The following IQGAP2 variants were observed in gnomAD, a reference collection of about 807,000 sequenced individuals.
IQGAP2 encodes ras GTPase-activating-like protein IQGAP2.
In IQGAP2, 173 loss-of-function variants were observed where a neutral mutation model predicts 201.3. That is an observed-to-expected ratio of 0.86 (90% CI 0.76 to 0.98). The LOEUF (loss-of-function observed/expected upper bound fraction) is 0.98, where lower values mean the gene tolerates loss of function less well. IQGAP2 is among the 50% of genes least tolerant of loss of function. IQGAP2 has a pLI of 0.00. For synonymous variants in IQGAP2, 675 were observed against 673.9 expected (o/e 1.00, Z -0.03); for missense variants, 1,687 against 1,864.8 (o/e 0.90, Z 1.76).
At chr5:76,458,286 A>T (rs1015866192) in intron 1 of IQGAP2, among the ~76,000 whole-genome samples, 5 of 152,212 alleles carry the variant, frequency 3.3e-5, no homozygotes, top group Admixed American at 1.3e-4. Flanking sequence ...ACACAGTAAC[A>T]TATGGAAACG....
chr5:76,554,251 A>G (rs12657065), intron 2 of IQGAP2, among the ~76,000 whole-genome samples: 2 of 151,976 alleles, frequency 1.3e-5, no homozygotes, highest in African/African-American at 4.8e-5. Context: ...AGAAGAAAAC[A>G]TAGGTATAAA....
At chr5:76,672,657 A>AGG (rs1744445099) in intron 24 of IQGAP2, among the ~76,000 whole-genome samples, 2 of 152,170 alleles carry the variant, frequency 1.3e-5, no homozygotes, top group Non-Finnish European at 2.9e-5. Flanking sequence ...AGGTGCAATA[A>AGG]CCCATTTTTC....
chr5:76,576,215 T>C (rs2150282720), intron 5 of IQGAP2, among the ~76,000 whole-genome samples: 1 of 151,566 alleles, frequency 6.6e-6, no homozygotes, highest in South Asian at 2.1e-4. Context: ...AAAATAGAGG[T>C]AAGAATGGTT....
At chr5:76,668,148 G>T (rs1049296208) in intron 22 of IQGAP2, among the ~76,000 whole-genome samples, 2 of 152,014 alleles carry the variant, frequency 1.3e-5, no homozygotes, top group Non-Finnish European at 2.9e-5. Context: ...CTCCCAAAGC[G>T]CTGGAATTAT....
chr5:76,420,205 G>T (rs1266251338), intron 1 of IQGAP2, among the ~76,000 whole-genome samples: 1 of 151,998 alleles, frequency 6.6e-6, no homozygotes, highest in Non-Finnish European at 1.5e-5. Context: ...TGCAGCCAAG[G>T]TTTGAATTCA....
intron 1 of IQGAP2, among the ~76,000 whole-genome samples, chr5:76,434,080 A>G: frequency 6.6e-6 from 1 of 152,228 alleles, no homozygotes; most frequent in Non-Finnish European, 1.5e-5. Flanking sequence ...TCTAAAAGTA[A>G]TCAAACCTTC....
chr5:76,616,318 A>G (rs565383150), intron 13 of IQGAP2: 2 of 152,644 alleles, frequency 1.3e-5, no homozygotes, highest in South Asian at 4.1e-4. Context: ...TCTGAGGCAG[A>G]GTGGAGATAT....
intron 30 of IQGAP2, 21 bp downstream of exon 30, chr5:76,683,938 G>T (rs777720959): frequency 7.4e-5 from 118 of 1,595,840 alleles, no homozygotes; most frequent in Admixed American, 1.5e-4. Flanking sequence ...GGGTTAAAGG[G>T]CACATGTCTC....
In IQGAP2 at chr5:76,606,264, A is replaced by G. The variant is rs756052806; in HGVS notation, c.1318A>G (p.Ile440Val). The G allele has an allele frequency of 1.2e-6, 2 of 1,604,706 alleles. No individual in the cohort carries two copies. Among genetic ancestry groups the G allele is most frequent in the Non-Finnish European group, 1.7e-6 (2 of 1,174,874 alleles). The change falls in exon 12 of 36, where the codon ATT (isoleucine) becomes GTT (valine). Residue 440 changes from isoleucine (I) to valine (V), a missense_variant. Physicochemically the swap from Ile to Val is conservative, Grantham distance 29. Coordinates refer to ENST00000274364, the MANE Select transcript of IQGAP2 (RefSeq NM_006633.5). ...AAGCTGGAATGAAATTCAGAATTGT[A>G]TTGATATGGTTAATGCTCAAATTCA... ...NLSWNEIQNC[I>V]DMVNAQIQEE... is the part of the protein sequence containing the mutation.
Position 76,674,029 on chromosome 5 carries a change from T to C in IQGAP2, c.3287T>C (p.Leu1096Pro). Residue 1096 changes from leucine (L) to proline (P), a missense_variant, in exon 26 of 36, where the codon CTA (leucine) becomes CCA (proline). Transcript: ENST00000274364. ...EKFPDATEDE[L>P]LKIVGNLLYY... is the part of the protein sequence containing the mutation. ...TTCCCCGATGCAACAGAAGATGAGC[T>C]ATTAAAGGTAGATTTTCAAGGGTAA... The C allele has an allele frequency of 6.3e-7, 1 of 1,596,068 alleles. No homozygotes were observed. The highest frequency in any genetic ancestry group is 8.6e-7 in the Non-Finnish European group (1 of 1,163,754).
intron 31 of IQGAP2, among the ~76,000 whole-genome samples, chr5:76,694,349 A>G (rs1258434041): frequency 6.6e-6 from 1 of 152,208 alleles, no homozygotes; most frequent in Non-Finnish European, 1.5e-5. Flanking sequence ...TGTTTTAAAC[A>G]ATGTGGGTAA....
chr5:76,458,528 C>T (rs1054285824), intron 1 of IQGAP2, among the ~76,000 whole-genome samples: 3 of 152,144 alleles, frequency 2.0e-5, no homozygotes, highest in Non-Finnish European at 4.4e-5. Context: ...TACAATTTGA[C>T]AGTAGATTAT....
chr5:76,429,601 T>A (rs1457213323), intron 1 of IQGAP2, among the ~76,000 whole-genome samples: 90 of 144,254 alleles, frequency 6.2e-4, no homozygotes, highest in Non-Finnish European at 1.1e-3. Flanking sequence ...TATATATGTA[T>A]ATTTATATAT....
At chr5:76,471,709 A>C (rs199678708) in intron 2 of IQGAP2, among the ~76,000 whole-genome samples, 2 of 13,470 alleles carry the variant, frequency 1.5e-4, no homozygotes, top group Non-Finnish European at 5.0e-4. Context: ...TGATTAGTTT[A>C]AAAAAAAAAA....
At chr5:76,438,550 C>A (rs532143040) in intron 1 of IQGAP2, among the ~76,000 whole-genome samples, 2 of 152,212 alleles carry the variant, frequency 1.3e-5, no homozygotes, top group Non-Finnish European at 1.5e-5. Context: ...TCAAGCAATT[C>A]TCCTGCTTCA....
intron 1 of IQGAP2, among the ~76,000 whole-genome samples, chr5:76,448,680 G>A (rs1161193621): frequency 2.6e-5 from 4 of 152,182 alleles, no homozygotes; most frequent in African/African-American, 9.7e-5. Context: ...GCAGATGAGA[G>A]CCATTATCTT....
Position 76,574,087 on chromosome 5 carries a change from C to G in IQGAP2, c.382-1606C>G, listed in dbSNP as rs556447665. Among the ~76,000 whole-genome samples the G allele has an allele frequency of 4.5e-3, 684 of 152,184 alleles. 4 individuals carry two copies. The highest frequency in any genetic ancestry group is 7.9e-3 in the Non-Finnish European group (539 of 68,008). ...TTCTTTTCTCAGCTTTTCTCAGTGA[C>G]CAATAGGAAATTGCACTTGAGTATC... is the stretch of plus-strand genomic sequence containing the variant. On this transcript the variant is annotated intron_variant, in intron 4 of 35. Coordinates refer to ENST00000274364, the MANE Select transcript of IQGAP2 (RefSeq NM_006633.5).
chr5:76,413,230 G>A (rs1487461817), intron 1 of IQGAP2, among the ~76,000 whole-genome samples: 3 of 132,696 alleles, frequency 2.3e-5, no homozygotes, highest in African/African-American at 8.6e-5. Flanking sequence ...GTGCAGTGGC[G>A]CGATCTTGGC....
In IQGAP2 at chr5:76,570,640, T is replaced by A; in HGVS notation, c.364T>A (p.Ser122Thr). 1 of 1,612,946 alleles carries A rather than the reference T, an allele frequency of 6.2e-7. No homozygotes were observed. The highest frequency in any genetic ancestry group is 8.5e-7 in the Non-Finnish European group (1 of 1,179,026). ...CGTCCAGTGGTTAAGAGCGATGGAG[T>A]CTATTGGTCTACCCAAGGTAAGCCT... is the stretch of plus-strand genomic sequence containing the variant. ...NTVQWLRAME[S>T]IGLPKIFYPE... The change falls in exon 4 of 36, where the codon TCT (serine) becomes ACT (threonine). Residue 122 changes from serine (S) to threonine (T), a missense_variant. Ser to Thr is a moderately conservative substitution (Grantham distance 58). Coordinates refer to ENST00000274364, the MANE Select transcript of IQGAP2 (RefSeq NM_006633.5).
Sources: gnomAD v4.1 joint callset for allele counts (sites outside exome capture counted in the v4.1 genomes callset) on GRCh38, gnomAD v4.1.1 for gene constraint, MANE v1.5 for transcripts, NCBI Gene and HGNC (gene_info 2026-07-23, HGNC 2026-07-21) for gene names.